CCR5AS: variants seen among roughly 807,000 people sequenced by gnomAD.
The protein encoded by CCR5AS is CCR5 antisense RNA.
rs565095660 is a variant in CCR5AS, at chr3:46,368,199, G to A, written n.565+3045C>T. ...AGACAAAAAGGCCCCAAAAAGGAGG[G>A]ATGGCACGAAACACCCTCCAATATG... On this transcript the variant is annotated intron_variant and non_coding_transcript_variant, in intron 3 of 3. Coordinates refer to ENST00000451485, the Ensembl canonical transcript of CCR5AS. Among the ~76,000 whole-genome samples the A allele has an allele frequency of 7.2e-5, 11 of 152,294 alleles. No homozygotes were observed. The East Asian group carries it at 1.2e-3, about 16-fold the overall frequency.
chr3:46,374,034 G>A (rs1356739404), intron 2 of CCR5AS: 5 of 1,166,438 alleles, frequency 4.3e-6, no homozygotes, highest in African/African-American at 1.5e-5. Flanking sequence ...AGCCTGGGCT[G>A]GGGGTGGGGT....
chr3:46,377,476 G>A (rs960964073), intron 2 of CCR5AS, among the ~76,000 whole-genome samples: 3 of 152,280 alleles, frequency 2.0e-5, no homozygotes, highest in Admixed American at 6.5e-5. Flanking sequence ...TTTACATTTT[G>A]TACTCCAGGG....
chr3:46,392,544 C>T (rs1701922358), intron 2 of CCR5AS, among the ~76,000 whole-genome samples: 1 of 152,162 alleles, frequency 6.6e-6, no homozygotes, highest in African/African-American at 2.4e-5. Flanking sequence ...ATTGACTTAC[C>T]ACCAAGGGAA....
chr3:46,374,084 G>A (rs1181524789), intron 2 of CCR5AS: 1 of 563,354 alleles, frequency 1.8e-6, no homozygotes, highest in East Asian at 2.8e-5. Context: ...TGTTATAGAG[G>A]GTCTAAGATT....
At chr3:46,396,007 G>C (rs909944611) in intron 1 of CCR5AS, among the ~76,000 whole-genome samples, 1 of 152,198 alleles carries the variant, frequency 6.6e-6, no homozygotes, top group African/African-American at 2.4e-5. Context: ...GTCCTTGGGG[G>C]AGACGTGAGC....
chr3:46,379,927 A>AATAG lies in CCR5AS; in HGVS notation n.392-8511_392-8510insCTAT, dbSNP rs1166451231. ...AAATAAATAAATAAATAAATAAATAAATAAATAAATAGTAAATGCACTGCT... is the reference window on the plus strand; with the variant it reads ...AAATAAATAAATAAATAAATAAATAAATAGATAAATAAATAGTAAATGCACTGCT... On this transcript the variant is annotated intron_variant and non_coding_transcript_variant, in intron 2 of 3. Transcript: ENST00000451485. Among the ~76,000 whole-genome samples the AATAG allele has an allele frequency of 7.9e-5, 12 of 151,820 alleles. No individual in the cohort carries two copies. The South Asian group carries it at 2.5e-3, about 32-fold the overall frequency.
At chr3:46,365,785 A>T (rs1701593224) in intron 3 of CCR5AS, among the ~76,000 whole-genome samples, 1 of 152,182 alleles carries the variant, frequency 6.6e-6, no homozygotes, top group South Asian at 2.1e-4. Context: ...CTCACCCAGA[A>T]AGTAGGACCC....
intron 2 of CCR5AS, among the ~76,000 whole-genome samples, chr3:46,391,810 G>A (rs773599663): frequency 1.4e-4 from 21 of 152,210 alleles, no homozygotes; most frequent in Admixed American, 2.6e-4. Flanking sequence ...ACCTGGCTAG[G>A]CCTAGCGAGG....
At chr3:46,381,557 T>C (rs938820045) in intron 2 of CCR5AS, among the ~76,000 whole-genome samples, 1 of 152,218 alleles carries the variant, frequency 6.6e-6, no homozygotes, top group Non-Finnish European at 1.5e-5. Flanking sequence ...CTTTTGAAAC[T>C]GCATACCGCT....
intron 1 of CCR5AS, among the ~76,000 whole-genome samples, chr3:46,405,727 CATT>C (rs1448211416): frequency 1.3e-5 from 2 of 152,170 alleles, no homozygotes; most frequent in Non-Finnish European, 1.5e-5. Flanking sequence ...CATCAAACAT[CATT>C]GTGTTTCTCT....
chr3:46,403,938 GA>G (rs1356465147), intron 1 of CCR5AS, among the ~76,000 whole-genome samples: 3 of 152,132 alleles, frequency 2.0e-5, no homozygotes, highest in East Asian at 1.9e-4. Flanking sequence ...GAACCAGAAA[GA>G]AAAAACTCTG....
intron 1 of CCR5AS, among the ~76,000 whole-genome samples, chr3:46,404,470 G>A (rs1702030115): frequency 6.6e-6 from 1 of 151,726 alleles, no homozygotes; most frequent in Admixed American, 6.6e-5. Flanking sequence ...GAGTAGCTGG[G>A]ATTACGGGCA....
Position 46,403,451 on chromosome 3 carries a change from A to G in CCR5AS, n.163+3446T>C, listed in dbSNP as rs1275560713. 2.6e-5 allele frequency among the ~76,000 whole-genome samples: 4 copies of G among 152,376 alleles called. No homozygotes were observed. In the South Asian group the frequency reaches 6.2e-4, roughly 24 times the overall value. On this transcript the variant is annotated intron_variant and non_coding_transcript_variant, in intron 1 of 3. Coordinates refer to ENST00000451485, the Ensembl canonical transcript of CCR5AS. ...ATTAAATATAATGAGTTATTAACTT[A>G]TAAAAGGGTATGAACTACTAAAGGG... is the stretch of plus-strand genomic sequence containing the variant.
intron 2 of CCR5AS, among the ~76,000 whole-genome samples, chr3:46,378,840 G>T (rs1044117210): frequency 6.6e-6 from 1 of 152,094 alleles, no homozygotes; most frequent in Non-Finnish European, 1.5e-5. Flanking sequence ...GCTCTCATGA[G>T]CTTGCAACAA....
chr3:46,379,935 A>ATAG (rs1701802527), intron 2 of CCR5AS, among the ~76,000 whole-genome samples: 5 of 150,634 alleles, frequency 3.3e-5, no homozygotes, highest in Admixed American at 2.7e-4. Flanking sequence ...TAAATAAATA[A>ATAG]ATAGTAAATG....
At chr3:46,397,553 G>A (rs1227817341) in intron 1 of CCR5AS, among the ~76,000 whole-genome samples, 2 of 152,204 alleles carry the variant, frequency 1.3e-5, no homozygotes, top group African/African-American at 4.8e-5. Context: ...CAAGGGGAGG[G>A]AGCTGCCTGA....
intron 1 of CCR5AS, among the ~76,000 whole-genome samples, chr3:46,401,802 T>A (rs1473507577): frequency 6.7e-6 from 1 of 149,486 alleles, no homozygotes; most frequent in Non-Finnish European, 1.5e-5. Flanking sequence ...AATAATATAT[T>A]TATTTATTTA....
At chr3:46,378,579 TGTTCAAC>T (rs1701784497) in intron 2 of CCR5AS, among the ~76,000 whole-genome samples, 2 of 152,172 alleles carry the variant, frequency 1.3e-5, no homozygotes, top group African/African-American at 4.8e-5. Context: ...CCAGCAAGGG[TGTTCAAC>T]TTCCAGACTT....
intron 2 of CCR5AS, among the ~76,000 whole-genome samples, chr3:46,387,080 T>G (rs964048380): frequency 1.3e-5 from 2 of 151,884 alleles, no homozygotes; most frequent in South Asian, 2.1e-4. Flanking sequence ...AGAGAAGAGA[T>G]AAGGGAAGTG....
Sources: allele counts gnomAD v4.1 joint callset (sites outside exome capture counted in the v4.1 genomes callset), GRCh38; gene constraint gnomAD v4.1.1; transcripts MANE v1.5; gene names NCBI Gene and HGNC (gene_info 2026-07-23, HGNC 2026-07-21).